The following INPP5J variants were observed in gnomAD, a reference collection of about 807,000 sequenced individuals.
INPP5J encodes inositol polyphosphate-5-phosphatase J.
In INPP5J, 75 loss-of-function variants were observed where a neutral mutation model predicts 86.6. The ratio of observed to expected loss-of-function variants is 0.87; its 90% CI spans 0.72 to 1.05. INPP5J has a LOEUF of 1.05. INPP5J is among the 50% of genes least tolerant of loss of function. The pLI is 0.00. For missense variants in INPP5J, 1,229 were observed against 1,341.2 expected (o/e 0.92, Z 1.31); for synonymous variants, 540 against 550.0 (o/e 0.98, Z 0.25).
intron 6 of INPP5J, 158 bp downstream of exon 6, chr22:31,127,690 G>A: frequency 1.2e-6 from 1 of 819,170 alleles, no homozygotes; most frequent in Admixed American, 2.9e-5. Flanking sequence ...GCAGTTGGAT[G>A]GGGAGGGGCG....
chr22:31,128,137 C>T, intron 7 of INPP5J, 75 bp downstream of exon 7: 1 of 1,441,788 alleles, frequency 6.9e-7, no homozygotes, highest in Non-Finnish European at 9.6e-7. Flanking sequence ...GGTCCCTGTC[C>T]TCACCTGCCC....
In INPP5J at chr22:31,126,598, C is replaced by T. The variant is rs1413720471; in HGVS notation, c.1386-15C>T. 2 of 1,610,260 alleles carry T rather than the reference C, an allele frequency of 1.2e-6. No homozygotes were observed. Among genetic ancestry groups the T allele is most frequent in the East Asian group, 2.2e-5 (1 of 44,858 alleles). On this transcript the variant is annotated splice_polypyrimidine_tract_variant and intron_variant, in intron 3 of 12. Transcript: ENST00000331075. ...CCTCTCCAATCCCATGGCCACCCTG[C>T]CCCCACCCCTCCAGGTTGCAGGAAG...
rs370529192 is a variant in INPP5J, at chr22:31,127,434, G to A, written c.1689G>A (p.Ala563=). 34 of 1,613,632 alleles carry A rather than the reference G, an allele frequency of 2.1e-5. No homozygotes were observed. Among genetic ancestry groups the A allele is most frequent in the Non-Finnish European group, 2.6e-5 (31 of 1,179,804 alleles). Residue 563 remains alanine (A), a synonymous_variant, in exon 6 of 13, where the codon GCG becomes GCA. Coordinates refer to ENST00000331075, the MANE Select transcript of INPP5J (RefSeq NM_001284285.2). The part of the protein sequence containing the change: ...MLCFLNCHLP[A]HMDKAEQRKD... ...GCTTCCTGAACTGCCACTTGCCTGC[G>A]CATATGGACAAGGCGGAGCAGCGCA...
In INPP5J at chr22:31,127,344, C is replaced by T. The variant is rs558024678; in HGVS notation, c.1612-13C>T. ...AAGCCCCGCCCATGAGCCATCCGACCCTGCCTCCCTAGGGTAACAAGGGTG... is the reference window on the plus strand; with the variant it reads ...AAGCCCCGCCCATGAGCCATCCGACTCTGCCTCCCTAGGGTAACAAGGGTG... On this transcript the variant is annotated splice_polypyrimidine_tract_variant and intron_variant, in intron 5 of 12. Transcript: ENST00000331075. The T allele has an allele frequency of 4.4e-6, 7 of 1,599,000 alleles. 1 individual carries two copies. In the South Asian group the frequency reaches 6.8e-5, roughly 16 times the overall value.
At chr22:31,123,391 G>A (rs1921049603) in intron 1 of INPP5J, among the ~76,000 whole-genome samples, 1 of 152,150 alleles carries the variant, frequency 6.6e-6, no homozygotes, top group African/African-American at 2.4e-5. Flanking sequence ...CCTTTGCTGT[G>A]TGACCTTGGC....
Position 31,134,257 on chromosome 22 carries a change from T to C in INPP5J, c.2859T>C (p.Ala953=). 1 of 1,551,416 alleles carries C rather than the reference T, an allele frequency of 6.4e-7. No homozygotes were observed. Among genetic ancestry groups the C allele is most frequent in the Non-Finnish European group, 8.7e-7 (1 of 1,147,558 alleles). ...CTGGCCCCTGGGCCTTCCCACCAGC[T>C]GTGCCTCGAAGCCTGGGCCTGTTGC... ...GLPGPWAFPP[A]VPRSLGLLPA... Residue 953 remains alanine, a synonymous_variant, in exon 13 of 13, where the codon GCT becomes GCC. Coordinates refer to ENST00000331075, the MANE Select transcript of INPP5J (RefSeq NM_001284285.2).
At chr22:31,131,080 G>C (rs925804775) in intron 9 of INPP5J, among the ~76,000 whole-genome samples, 1 of 152,188 alleles carries the variant, frequency 6.6e-6, no homozygotes, top group South Asian at 2.1e-4. Context: ...TTGTCACATG[G>C]CCAGTCAGTG....
rs1464001453 is a variant in INPP5J at position 31,126,030 on chromosome 22, A to G, written c.1271+20A>G. The G allele has an allele frequency of 7.8e-6, 12 of 1,539,648 alleles. No homozygotes were observed. The highest frequency in any genetic ancestry group is 9.6e-6 in the Non-Finnish European group (11 of 1,143,948). On this transcript the variant is annotated intron_variant, in intron 2 of 12. Coordinates refer to ENST00000331075, the MANE Select transcript of INPP5J (RefSeq NM_001284285.2). ...CTTCCGGTGAGGGGGCCCTCTCCCA[A>G]GAAAGGTGGCTGGGGCTTAGCTCTG...
chr22:31,132,683 G>A (rs1486031016), intron 9 of INPP5J, among the ~76,000 whole-genome samples: 1 of 151,574 alleles, frequency 6.6e-6, no homozygotes, highest in African/African-American at 2.4e-5. Flanking sequence ...AGGTTGCAGT[G>A]AGCCGAGATT....
chr22:31,133,228 T>C lies in INPP5J; in HGVS notation c.2324T>C (p.Leu775Ser). The C allele has an allele frequency of 6.2e-7, 1 of 1,607,012 alleles. No homozygotes were observed. Among genetic ancestry groups the C allele is most frequent in the Non-Finnish European group, 8.5e-7 (1 of 1,178,086 alleles). ...CGCAGCTCCTGGGACTGGATCGGCT[T>C]ATACCGGGTGAGAGGGGCAGTGGTG... ...FARSSWDWIG[L>S]YRVGFRHCKD... The change falls in exon 10 of 13, where the codon TTA (leucine) becomes TCA (serine). Residue 775 changes from leucine to serine, a missense_variant. Leu to Ser is a moderately radical substitution (Grantham distance 145, BLOSUM62 -2). Transcript: ENST00000331075.
chr22:31,123,184 A>G, intron 1 of INPP5J, 65 bp downstream of exon 1: 1 of 924,708 alleles, frequency 1.1e-6, no homozygotes, highest in Non-Finnish European at 1.5e-6. Context: ...CCCCCCCCAC[A>G]TACACTGCAG....
chr22:31,125,001 C>G lies in INPP5J; in HGVS notation c.262C>G (p.Pro88Ala). The G allele has an allele frequency of 6.4e-7, 1 of 1,573,770 alleles. No homozygotes were observed. Among genetic ancestry groups the G allele is most frequent in the Non-Finnish European group, 8.6e-7 (1 of 1,159,674 alleles). The part of the protein sequence containing the change: ...ALASPRPILA[P>A]LCTPEGQKTA... ...GGCATCTCCCCGACCAATCCTGGCT[C>G]CACTGTGTACCCCTGAAGGGCAGAA... Residue 88 changes from proline to alanine, a missense_variant, in exon 2 of 13, where the codon CCA becomes GCA. Physicochemically the swap from Pro to Ala is conservative, Grantham distance 27. Coordinates refer to ENST00000331075, the MANE Select transcript of INPP5J (RefSeq NM_001284285.2).
chr22:31,127,911 C>A lies in INPP5J; in HGVS notation c.1788-40C>A, dbSNP rs376727778. ...CCTCCATGGACCTGTTGACACCCCC[C>A]ACTGCCCCCCACATCTCTCCCATCC... On this transcript the variant is annotated intron_variant, in intron 6 of 12. Coordinates refer to ENST00000331075, the MANE Select transcript of INPP5J (RefSeq NM_001284285.2). The A allele has an allele frequency of 1.3e-4, 147 of 1,144,752 alleles. 1 individual carries two copies. In the African/African-American group the frequency reaches 2.0e-3, roughly 15 times the overall value. The allele number at this position is 1,144,752 out of a possible 1,614,324, so 70.9% of individuals were successfully genotyped here. A position where few individuals can be genotyped will look rare whatever the true frequency, so the allele number is the denominator to read the frequency against.
chr22:31,133,683 G>A lies in INPP5J; in HGVS notation c.2483G>A (p.Ser828Asn). The change falls in exon 12 of 13, where the codon AGC (serine) becomes AAC (asparagine). Residue 828 changes from serine (S) to asparagine (N), a missense_variant. Coordinates refer to ENST00000331075, the MANE Select transcript of INPP5J (RefSeq NM_001284285.2). ...CTGGGCTACTATAGTCACAACCACA[G>A]CATCCTCATCGGCATCACTGAACCC... Reference protein sequence around the residue: ...FILGYYSHNHSILIGITEPFQ... With the variant: ...FILGYYSHNHNILIGITEPFQ... 2.5e-6 allele frequency: 4 copies of A among 1,613,204 alleles called. No individual in the cohort carries two copies. Among genetic ancestry groups the A allele is most frequent in the Non-Finnish European group, 2.5e-6 (3 of 1,179,590 alleles).
Position 31,134,358 on chromosome 22 carries a change from A to G in INPP5J, c.2960A>G (p.Asn987Ser), listed in dbSNP as rs1267815921. 6.5e-7 allele frequency: 1 copy of G among 1,530,898 alleles called. No homozygotes were observed. The highest frequency in any genetic ancestry group is 1.4e-5 in the African/African-American group (1 of 72,992). 94.8% of individuals were successfully genotyped at this position (1,530,898 alleles called of 1,614,324 possible). A position where few individuals can be genotyped will look rare whatever the true frequency, so the allele number is the denominator to read the frequency against. Residue 987 changes from asparagine to serine, a missense_variant, in exon 13 of 13, where the codon AAC (asparagine) becomes AGC (serine). Transcript: ENST00000331075. ...CCTGATCGGGAGGCCCTGGCGCCCA[A>G]CAGCCTGTCTCCTAGTCCCCAGGGC... ...WGPDREALAP[N>S]SLSPSPQGHR...
Position 31,128,559 on chromosome 22 carries a change from A to T in INPP5J, c.2098A>T (p.Ser700Cys), listed in dbSNP as rs1326733873. The T allele has an allele frequency of 3.1e-6, 5 of 1,613,214 alleles. No homozygotes were observed. The highest frequency in any genetic ancestry group is 4.2e-6 in the Non-Finnish European group (5 of 1,179,820). Residue 700 changes from serine (S) to cysteine (C), a missense_variant, in exon 9 of 13, where the codon AGC becomes TGC. Transcript: ENST00000331075. ...GGGPSPSGRKSHRLQVTQHSY... is the reference protein window; with the variant it reads ...GGGPSPSGRKCHRLQVTQHSY... ...GGGTCCCAGCCCCTCAGGACGGAAGAGCCACCGACTCCAGGTGACGCAGCA... is the reference window on the plus strand; with the variant it reads ...GGGTCCCAGCCCCTCAGGACGGAAGTGCCACCGACTCCAGGTGACGCAGCA...
intron 9 of INPP5J, 127 bp downstream of exon 9, chr22:31,128,781 G>C: frequency 3.6e-6 from 3 of 831,016 alleles, no homozygotes; most frequent in Non-Finnish European, 3.7e-6. Flanking sequence ...TGTTGTAACA[G>C]TGGAAATGGG....
chr22:31,127,662 G>A (rs977741487), intron 6 of INPP5J, 130 bp downstream of exon 6: 1 of 964,628 alleles, frequency 1.0e-6, no homozygotes, highest in Non-Finnish European at 1.5e-6. Context: ...ACTAGTTGTA[G>A]GAACACGAAA....
At chr22:31,130,862 C>T (rs1922006382) in intron 9 of INPP5J, among the ~76,000 whole-genome samples, 1 of 152,182 alleles carries the variant, frequency 6.6e-6, no homozygotes, top group Non-Finnish European at 1.5e-5. Context: ...ACCTGTGAGA[C>T]CAATTTGGCC....
Sources: gnomAD v4.1 joint callset for allele counts (sites outside exome capture counted in the v4.1 genomes callset) on GRCh38, gnomAD v4.1.1 for gene constraint, MANE v1.5 for transcripts, NCBI Gene and HGNC (gene_info 2026-07-23, HGNC 2026-07-21) for gene names.